COL24A1: variants seen among roughly 807,000 people sequenced by gnomAD.
The protein encoded by COL24A1 is collagen type XXIV alpha 1 chain.
A neutral mutation model predicts 253.9 loss-of-function variants in COL24A1; 224 were observed. The ratio of observed to expected loss-of-function variants is 0.88; its 90% confidence interval spans 0.79 to 0.99. The LOEUF is 0.99. Ranked by LOEUF, COL24A1 falls within the 50% of genes least tolerant of loss-of-function variation. The pLI is 0.00. For missense variants in COL24A1, 2,131 were observed against 2,068.5 expected (o/e 1.03, Z -0.59); for synonymous variants, 685 against 673.7 (o/e 1.02, Z -0.26).
chr1:85,864,330 C>T (rs2102474108), intron 37 of COL24A1, among the ~76,000 whole-genome samples: 1 of 146,516 alleles, frequency 6.8e-6, no homozygotes, highest in East Asian at 2.0e-4. Context: ...TGTTCTCACT[C>T]ATAGGTGGGA....
intron 20 of COL24A1, among the ~76,000 whole-genome samples, chr1:85,978,626 C>A (rs1488282562): frequency 1.3e-5 from 2 of 151,894 alleles, no homozygotes; most frequent in African/African-American, 4.8e-5. Context: ...AGGATCAGTC[C>A]AACATGAAAA....
intron 2 of COL24A1, among the ~76,000 whole-genome samples, chr1:86,140,301 C>T (rs1381650689): frequency 1.3e-5 from 2 of 152,174 alleles, no homozygotes; most frequent in African/African-American, 4.8e-5. Context: ...CTCTGGAACA[C>T]CTGTGCTTAA....
chr1:86,068,921 A>T (rs1571816856), intron 7 of COL24A1, among the ~76,000 whole-genome samples: 1 of 152,136 alleles, frequency 6.6e-6, no homozygotes. Context: ...TACTGGCAGG[A>T]TTCATCACCT....
intron 3 of COL24A1, among the ~76,000 whole-genome samples, chr1:86,117,419 G>A (rs1706255666): frequency 6.6e-6 from 1 of 152,200 alleles, no homozygotes; most frequent in Admixed American, 6.5e-5. Context: ...CCAGCACTTT[G>A]ATCTTCAACT....
intron 7 of COL24A1, among the ~76,000 whole-genome samples, chr1:86,075,559 C>T (rs1442355143): frequency 6.6e-6 from 1 of 152,152 alleles, no homozygotes; most frequent in Admixed American, 6.5e-5. Flanking sequence ...CAGCATCATC[C>T]TGATACCAAA....
chr1:86,150,709 C>T (rs1652640683), intron 1 of COL24A1, among the ~76,000 whole-genome samples: 1 of 152,090 alleles, frequency 6.6e-6, no homozygotes, highest in African/African-American at 2.4e-5. Context: ...ATCCAAGATT[C>T]TTGGGAAATG....
At chr1:85,732,648 A>C (rs1200131176) in intron 59 of COL24A1, among the ~76,000 whole-genome samples, 1 of 150,908 alleles carries the variant, frequency 6.6e-6, no homozygotes, top group Admixed American at 6.6e-5. Flanking sequence ...TACTTATGCT[A>C]ATTTTACTTA....
Position 85,917,825 on chromosome 1 carries a change from C to T in COL24A1, c.2563-6392G>A, listed in dbSNP as rs1325129322. ...TGCCACCTCAGCCTCCTACCTCAGC[C>T]TCCTGAGCAGCTGGGACTACAGGCA... On this transcript the variant is annotated intron_variant, in intron 24 of 59. Transcript: ENST00000370571. Among the ~76,000 whole-genome samples, 6 of 152,026 alleles carry T rather than the reference C, an allele frequency of 3.9e-5. No individual in the cohort carries two copies. In the East Asian group the frequency reaches 7.7e-4, roughly 20 times the overall value.
intron 37 of COL24A1, among the ~76,000 whole-genome samples, chr1:85,864,131 C>G (rs902452832): frequency 6.6e-6 from 1 of 152,074 alleles, no homozygotes; most frequent in African/African-American, 2.4e-5. Context: ...TTCACAATAG[C>G]AAAGACTTGG....
chr1:85,770,737 G>A (rs776663867), intron 53 of COL24A1, among the ~76,000 whole-genome samples: 3 of 152,110 alleles, frequency 2.0e-5, no homozygotes, highest in Non-Finnish European at 4.4e-5. Context: ...ATCTTCTTTA[G>A]CATGGAAGAA....
rs746933728 is a variant in COL24A1 at position 86,125,878 on chromosome 1, A to G, written c.458T>C (p.Val153Ala). ...VVHIRGKQPA[V>A]FNYSVHDEQW... ...CTCATCATGAACACTGTAGTTGAAA[A>G]CTGCAGGCTGCTTTCCTCTAATGTG... Residue 153 changes from valine to alanine, a missense_variant, in exon 3 of 60, where the codon GTT (valine) becomes GCT (alanine). Val to Ala is a moderately conservative substitution (Grantham distance 64, BLOSUM62 0). Transcript: ENST00000370571. 4.0e-5 allele frequency: 65 copies of G among 1,613,106 alleles called. No homozygotes were observed. Among genetic ancestry groups the G allele is most frequent in the Non-Finnish European group, 5.3e-5 (63 of 1,179,716 alleles).
At chr1:86,126,785 CTTGTT>C (rs1331119341) in intron 2 of COL24A1, among the ~76,000 whole-genome samples, 2 of 152,064 alleles carry the variant, frequency 1.3e-5, no homozygotes, top group Non-Finnish European at 1.5e-5. Flanking sequence ...GTTTATCTCT[CTTGTT>C]TTCCATTTTA....
rs969323207 is a variant in COL24A1 at position 85,917,417 on chromosome 1, C to T, written c.2563-5984G>A. On this transcript the variant is annotated intron_variant, in intron 24 of 59. Transcript: ENST00000370571. Reference sequence around the variant, plus strand: ...GTGTTCATGTTTTGGACTTTTTCTGCTTAGTTCTTATCCATGTCCTTTGCT... The same window carrying T: ...GTGTTCATGTTTTGGACTTTTTCTGTTTAGTTCTTATCCATGTCCTTTGCT... Among the ~76,000 whole-genome samples the T allele has an allele frequency of 2.2e-4, 34 of 152,010 alleles. 1 individual carries two copies. The highest frequency in any genetic ancestry group is 6.3e-3 in the Middle Eastern group (2 of 316).
intron 5 of COL24A1, among the ~76,000 whole-genome samples, chr1:86,103,152 T>C (rs975226760): frequency 2.0e-5 from 3 of 152,240 alleles, no homozygotes; most frequent in Admixed American, 6.5e-5. Flanking sequence ...TTTGTCTTTT[T>C]TGATATTTGC....
chr1:85,885,371 T>TG, intron 32 of COL24A1, among the ~76,000 whole-genome samples: 1 of 134,962 alleles, frequency 7.4e-6, no homozygotes, highest in Non-Finnish European at 1.6e-5. Context: ...TGGCTAATTT[T>TG]TGTGTGTATA....
chr1:85,831,864 AT>A, intron 43 of COL24A1, among the ~76,000 whole-genome samples: 1 of 152,006 alleles, frequency 6.6e-6, no homozygotes, highest in East Asian at 1.9e-4. Flanking sequence ...TATTGAAATA[AT>A]TTTGGCAAAA....
intron 18 of COL24A1, among the ~76,000 whole-genome samples, chr1:86,019,562 A>C (rs573389152): frequency 7.4e-6 from 1 of 134,388 alleles, no homozygotes; most frequent in Non-Finnish European, 1.6e-5. Context: ...TGTCTCTAAA[A>C]ATTTTTTTTT....
chr1:85,748,101 G>A (rs370302011), intron 55 of COL24A1, among the ~76,000 whole-genome samples: 42 of 152,242 alleles, frequency 2.8e-4, no homozygotes, highest in African/African-American at 1.0e-3. Context: ...ATAAATACAT[G>A]TTTTCCCTAA....
intron 57 of COL24A1, among the ~76,000 whole-genome samples, chr1:85,742,039 G>A (rs1053717852): frequency 1.3e-5 from 2 of 152,056 alleles, no homozygotes; most frequent in African/African-American, 4.8e-5. Flanking sequence ...CTCAGTGATA[G>A]CTGCTTCTTA....
Sources: allele counts gnomAD v4.1 joint callset (sites outside exome capture counted in the v4.1 genomes callset), GRCh38; gene constraint gnomAD v4.1.1; transcripts MANE v1.5; gene names NCBI Gene and HGNC (gene_info 2026-07-23, HGNC 2026-07-21).